The following ITGA2 variants were observed in gnomAD, a reference collection of about 807,000 sequenced individuals.
The protein encoded by ITGA2 is integrin subunit alpha 2.
Under a neutral mutation model 146.3 loss-of-function variants are expected in ITGA2, and 101 were observed. That is an observed-to-expected ratio of 0.69 (90% confidence interval 0.59 to 0.81). The LOEUF is 0.81. Ranked by LOEUF, ITGA2 falls within the 40% of genes least tolerant of loss-of-function variation. The pLI is 0.00. For missense variants in ITGA2, 1,281 were observed against 1,402.7 expected (o/e 0.91, Z 1.39); for synonymous variants, 477 against 487.1 (o/e 0.98, Z 0.27).
intron 3 of ITGA2, 79 bp from the exon 4 acceptor site, chr5:53,044,922 G>C: frequency 1.1e-6 from 1 of 946,068 alleles, no homozygotes; most frequent in Non-Finnish European, 1.7e-6. Flanking sequence ...GCAAACATGG[G>C]TGTGCCTGTT....
chr5:53,087,170 G>A, intron 28 of ITGA2, 129 bp downstream of exon 28: 1 of 735,144 alleles, frequency 1.4e-6, no homozygotes, highest in South Asian at 1.5e-5. Context: ...TTAAAGATCT[G>A]ATGTTTATTA....
rs3212539 is a variant in ITGA2, at chr5:53,060,871, T to G, written c.1313-30T>G. 145,082 of 1,606,054 alleles carry G rather than the reference T, an allele frequency of 0.09. 7,389 individuals are homozygous for G. The highest frequency in any genetic ancestry group is 0.19 in the African/African-American group (14,078 of 74,662). ...CTTTATTTTGCTCAGATAGTCAATG[T>G]TAATCACTCTGTTGCTCCTTCCCTT... is the stretch of plus-strand genomic sequence containing the variant. On this transcript the variant is annotated intron_variant, in intron 11 of 29. Coordinates refer to ENST00000296585, the MANE Select transcript of ITGA2 (RefSeq NM_002203.4).
intron 2 of ITGA2, among the ~76,000 whole-genome samples, chr5:53,034,251 A>T (rs1743377877): frequency 6.6e-6 from 1 of 152,098 alleles, no homozygotes; most frequent in East Asian, 1.9e-4. Flanking sequence ...TTATTATGCT[A>T]TTGCTGTACA....
chr5:53,051,328 C>G lies in ITGA2; in HGVS notation c.631-83C>G. ...AGCTACCGGCCCATGTCTAAATGTA[C>G]TTTTGATTTTTATTTTATTGGTTAA... On this transcript the variant is annotated intron_variant, in intron 6 of 29. Coordinates refer to ENST00000296585, the MANE Select transcript of ITGA2 (RefSeq NM_002203.4). 2.1e-6 allele frequency: 3 copies of G among 1,445,810 alleles called. No individual in the cohort carries two copies. In the South Asian group the frequency reaches 3.5e-5, roughly 17 times the overall value. The allele number at this position is 1,445,810 out of a possible 1,614,324, so 89.6% of individuals were successfully genotyped here.
At chr5:53,077,670 G>C (rs558451897) in intron 23 of ITGA2, among the ~76,000 whole-genome samples, 2 of 152,096 alleles carry the variant, frequency 1.3e-5, no homozygotes, top group South Asian at 4.1e-4. Flanking sequence ...ATGTCAGGCT[G>C]ACAAATCATT....
chr5:53,043,120 G>C (rs1259496620), intron 3 of ITGA2, among the ~76,000 whole-genome samples: 1 of 152,038 alleles, frequency 6.6e-6, no homozygotes, highest in Non-Finnish European at 1.5e-5. Flanking sequence ...GATGAGGACT[G>C]AGTAAATGTC....
chr5:53,074,800 C>T (rs1178242072), intron 21 of ITGA2, among the ~76,000 whole-genome samples: 8 of 151,908 alleles, frequency 5.3e-5, no homozygotes, highest in African/African-American at 1.4e-4. Context: ...CACATCAGCT[C>T]AAAGCTTCCA....
intron 2 of ITGA2, among the ~76,000 whole-genome samples, chr5:53,034,813 A>G (rs79458199): frequency 0.07 from 10,628 of 152,214 alleles, 600 homozygotes; most frequent in African/African-American, 0.15. Context: ...AGTGGCAACT[A>G]TTTATTAACT....
chr5:53,090,574 A>G lies in ITGA2; in HGVS notation c.3521A>G (p.Asp1174Gly). ...EKMTKNPDEI[D>G]ETTELSS ...ATGACCAAAAATCCAGATGAGATTG[A>G]TGAGACCACAGAGCTCAGTAGCTGA... The change falls in exon 30 of 30, where the codon GAT becomes GGT. Residue 1174 changes from aspartate to glycine, a missense_variant. By Grantham distance (94) the Asp-to-Gly change is moderately conservative. Around this residue, in one of 3 missense-constraint regions of ITGA2, gnomAD observed 475 missense variants for 530.5 expected, o/e 0.90. Transcript: ENST00000296585. The G allele has an allele frequency of 1.2e-6, 2 of 1,614,108 alleles. No homozygotes were observed. Among genetic ancestry groups the G allele is most frequent in the Non-Finnish European group, 1.7e-6 (2 of 1,179,978 alleles).
chr5:53,008,714 G>A (rs1371586095), intron 1 of ITGA2, among the ~76,000 whole-genome samples: 3 of 152,022 alleles, frequency 2.0e-5, no homozygotes, highest in African/African-American at 4.8e-5. Flanking sequence ...ATAAGAAAAT[G>A]CAGTGCCCTC....
Position 53,093,169 on chromosome 5 carries a change from C to T in ITGA2, c.*2570C>T, listed in dbSNP as rs1900182. 31,978 of 152,120 alleles carry T rather than the reference C, an allele frequency of 0.21. 3,935 individuals are homozygous for T. The highest frequency in any genetic ancestry group is 0.3 in the South Asian group (1,424 of 4,814). 9.4% of individuals were successfully genotyped at this position (152,120 alleles called of 1,614,324 possible). ...AATACTAGCTTTTCAATGTGCTATA[C>T]AAACAATTATAGCACATCCTTCCTT... On this transcript the variant is annotated 3_prime_UTR_variant, in exon 30 of 30. Transcript: ENST00000296585.
At chr5:53,055,902 T>A in intron 8 of ITGA2, 82 bp from the exon 9 acceptor site, 1 of 1,381,726 alleles carries the variant, frequency 7.2e-7, no homozygotes, top group South Asian at 1.2e-5. Context: ...GAGGGAATAT[T>A]GTGTTCAAAA....
chr5:53,014,900 G>A (rs1318293871), intron 1 of ITGA2, among the ~76,000 whole-genome samples: 1 of 151,882 alleles, frequency 6.6e-6, no homozygotes, highest in Non-Finnish European at 1.5e-5. Flanking sequence ...GTTCATAATG[G>A]ACTCTAAGGG....
intron 3 of ITGA2, among the ~76,000 whole-genome samples, chr5:53,042,551 C>G (rs1214486064): frequency 2.0e-5 from 3 of 152,134 alleles, no homozygotes; most frequent in Non-Finnish European, 2.9e-5. Context: ...TTTCTCTCCT[C>G]TTTGCAAAAT....
intron 28 of ITGA2, 85 bp from the exon 29 acceptor site, chr5:53,089,861 C>T (rs960934517): frequency 1.2e-6 from 1 of 836,256 alleles, no homozygotes; most frequent in Non-Finnish European, 2.1e-6. Flanking sequence ...TAGACCTTCA[C>T]TTACAGAATT....
chr5:53,001,403 C>T (rs1741578822), intron 1 of ITGA2, among the ~76,000 whole-genome samples: 1 of 152,258 alleles, frequency 6.6e-6, no homozygotes. Flanking sequence ...TCAAGGGCTG[C>T]TTTACTTACG....
At chr5:53,082,604 C>T (rs1027638658) in intron 26 of ITGA2, among the ~76,000 whole-genome samples, 2 of 152,098 alleles carry the variant, frequency 1.3e-5, no homozygotes, top group South Asian at 2.1e-4. Context: ...CCCACACAGC[C>T]TCCCCCACTA....
At chr5:53,010,141 AT>A (rs1336628571) in intron 1 of ITGA2, among the ~76,000 whole-genome samples, 1 of 152,156 alleles carries the variant, frequency 6.6e-6, no homozygotes, top group African/African-American at 2.4e-5. Flanking sequence ...TCCAGGAAAG[AT>A]TTCCTGTGGA....
intron 1 of ITGA2, among the ~76,000 whole-genome samples, chr5:53,005,686 A>G (rs1048187242): frequency 1.3e-5 from 2 of 152,162 alleles, no homozygotes; most frequent in Non-Finnish European, 2.9e-5. Context: ...CTAATCGTAA[A>G]AACAAAAAAA....
Sources: gnomAD v4.1 joint callset for allele counts (sites outside exome capture counted in the v4.1 genomes callset) on GRCh38, gnomAD v4.1.1 for gene constraint, gnomAD v4.1.1 regional missense constraint, MANE v1.5 for transcripts, NCBI Gene and HGNC (gene_info 2026-07-23, HGNC 2026-07-21) for gene names.